The following APLP2 variants were observed in gnomAD, a reference collection of about 807,000 sequenced individuals.
APLP2 encodes the protein CDEI box-binding protein.
A neutral mutation model predicts 89.9 loss-of-function variants in APLP2; 53 were observed. The ratio of observed to expected loss-of-function variants is 0.59; its 90% CI spans 0.47 to 0.74. The LOEUF (loss-of-function observed/expected upper bound fraction) is 0.74, where lower values mean the gene tolerates loss of function less well. APLP2 is among the 30% of genes least tolerant of loss of function. APLP2 has a pLI of 0.00. For synonymous variants in APLP2, 372 were observed against 348.6 expected (o/e 1.07, Z -0.75); for missense variants, 973 against 975.9 (o/e 1.00, Z 0.04).
chr11:130,094,603 A>C (rs1196907616), intron 1 of APLP2, among the ~76,000 whole-genome samples: 2 of 152,252 alleles, frequency 1.3e-5, no homozygotes, highest in Non-Finnish European at 2.9e-5. Context: ...TCTGAGGGAA[A>C]TTATTTCCAG....
Position 130,098,052 on chromosome 11 carries a change from G to A in APLP2, c.106-11377G>A, listed in dbSNP as rs187315596. Among the ~76,000 whole-genome samples the A allele has an allele frequency of 1.1e-4, 17 of 152,302 alleles. No individual in the cohort carries two copies. In the East Asian group the frequency reaches 2.3e-3, roughly 21 times the overall value. ...TTTTGTAGACCCTGTTAGTCCCCTA[G>A]TGGATGCTGGGGACCCCTCCCTGCT... On this transcript the variant is annotated intron_variant, in intron 1 of 16. Coordinates refer to ENST00000338167, the MANE Select transcript of APLP2 (RefSeq NM_001142276.2).
intron 1 of APLP2, among the ~76,000 whole-genome samples, chr11:130,080,697 C>CTTT (rs375026553): frequency 7.7e-6 from 1 of 130,242 alleles, no homozygotes; most frequent in Non-Finnish European, 1.6e-5. Flanking sequence ...ATTTATCTTT[C>CTTT]TTTTTTTTTT....
chr11:130,117,936 G>C (rs1565584438), intron 3 of APLP2, among the ~76,000 whole-genome samples: 1 of 152,090 alleles, frequency 6.6e-6, no homozygotes, highest in Non-Finnish European at 1.5e-5. Context: ...AATTAGACGG[G>C]CGTGGTGGCA....
chr11:130,091,578 G>T (rs1218631774), intron 1 of APLP2, among the ~76,000 whole-genome samples: 76 of 142,138 alleles, frequency 5.3e-4, no homozygotes, highest in African/African-American at 2.0e-3. Context: ...CGGGGCGGCT[G>T]GCCGGGTGGG....
intron 1 of APLP2, among the ~76,000 whole-genome samples, chr11:130,096,816 G>A (rs1042205374): frequency 6.6e-6 from 1 of 152,080 alleles, no homozygotes; most frequent in African/African-American, 2.4e-5. Flanking sequence ...CTTTTTACTC[G>A]AGGGTAGCTT....
At chr11:130,105,240 C>G (rs1947502226) in intron 1 of APLP2, among the ~76,000 whole-genome samples, 2 of 152,170 alleles carry the variant, frequency 1.3e-5, no homozygotes, top group Admixed American at 1.3e-4. Context: ...CAATGAGACC[C>G]CATCTCTACC....
At chr11:130,094,047 A>ATTTTTTTTTTTTTTTTTTTTTT (rs138605738) in intron 1 of APLP2, among the ~76,000 whole-genome samples, 1 of 76,384 alleles carries the variant, frequency 1.3e-5, no homozygotes, top group Non-Finnish European at 2.6e-5. Context: ...TCCCGGCCGT[A>ATTTTTTTTTTTTTTTTTTTTTT]TTTTTTTTTT....
Position 130,079,529 on chromosome 11 carries a change from T to C in APLP2, c.105+9447T>C, listed in dbSNP as rs1342142812. Among the ~76,000 whole-genome samples the C allele has an allele frequency of 2.0e-5, 3 of 152,244 alleles. No homozygotes were observed. In the East Asian group the frequency reaches 5.8e-4, roughly 29 times the overall value. On this transcript the variant is annotated intron_variant, in intron 1 of 16. Transcript: ENST00000338167. Reference sequence around the variant, plus strand: ...TTGATCTTTTTTATGCTATTATAAATGGCATCTTTAAGATTTTTTGTTGTT... The same window carrying C: ...TTGATCTTTTTTATGCTATTATAAACGGCATCTTTAAGATTTTTTGTTGTT...
At chr11:130,121,292 C>T (rs967703037) in intron 4 of APLP2, among the ~76,000 whole-genome samples, 5 of 152,142 alleles carry the variant, frequency 3.3e-5, no homozygotes, top group Non-Finnish European at 7.3e-5. Flanking sequence ...AGTGCTTGCA[C>T]CAGTGGTGAG....
In APLP2 at chr11:130,142,071, G is replaced by A. The variant is rs1234950062; in HGVS notation, c.2151G>A (p.Val717=). 1.2e-6 allele frequency: 2 copies of A among 1,611,678 alleles called. No individual in the cohort carries two copies. Among genetic ancestry groups the A allele is most frequent in the South Asian group, 1.1e-5 (1 of 90,692 alleles). ...ATGGCACCATCAGCCACGGGATCGT[G>A]GAGGTGAGGAGCTGGGCTGCTGAGG... ...RQYGTISHGI[V]EVDPMLTPEE... Residue 717 remains valine, a synonymous_variant, in exon 16 of 17, where the codon GTG becomes GTA. Transcript: ENST00000338167.
chr11:130,142,347 C>T (rs184230439), intron 16 of APLP2, among the ~76,000 whole-genome samples: 1 of 152,152 alleles, frequency 6.6e-6, no homozygotes, highest in Admixed American at 6.5e-5. Context: ...ACTCTTTTCT[C>T]AGATTATTTC....
At chr11:130,091,521 G>T (rs1217156181) in intron 1 of APLP2, among the ~76,000 whole-genome samples, 3 of 141,028 alleles carry the variant, frequency 2.1e-5, no homozygotes, top group East Asian at 2.3e-4. Flanking sequence ...CTCCCGGACA[G>T]GGCGGCTGGC....
chr11:130,075,790 TC>T (rs1294947197), intron 1 of APLP2, among the ~76,000 whole-genome samples: 2 of 152,186 alleles, frequency 1.3e-5, no homozygotes, highest in Admixed American at 6.5e-5. Context: ...TACTGCTCTG[TC>T]CTGTCAGTGT....
chr11:130,124,779 T>C lies in APLP2; in HGVS notation c.1090+1000T>C, dbSNP rs188171033. Among the ~76,000 whole-genome samples the C allele has an allele frequency of 9.2e-5, 14 of 152,332 alleles. 1 individual carries two copies. The East Asian group carries it at 2.7e-3, about 29-fold the overall frequency. ...TTCCCTTCCAGCTCCAGGAAAGCTG[T>C]TTTTATTCGGTAACAGTTGAAAGGT... On this transcript the variant is annotated intron_variant, in intron 7 of 16. Transcript: ENST00000338167.
At chr11:130,074,335 C>T (rs946676843) in intron 1 of APLP2, among the ~76,000 whole-genome samples, 1 of 152,182 alleles carries the variant, frequency 6.6e-6, no homozygotes, top group African/African-American at 2.4e-5. Context: ...CCTGCCTCAG[C>T]CTCCAGAGTA....
In APLP2 at chr11:130,141,570, C is replaced by T. The variant is rs773309208; in HGVS notation, c.1996C>T (p.Arg666Trp). Residue 666 changes from arginine to tryptophan, a missense_variant and splice_region_variant, in exon 15 of 17, where the codon CGG becomes TGG. By Grantham distance (101) the Arg-to-Trp change is moderately radical. Coordinates refer to ENST00000338167, the MANE Select transcript of APLP2 (RefSeq NM_001142276.2). The surrounding 1 kb of genome is among the most constrained non-coding windows in gnomAD (Gnocchi z 4.2). ...AERVGGLEEERESVGPLREDF... is the reference protein window; with the variant it reads ...AERVGGLEEEWESVGPLREDF... ...GAGAGTTGGAGGCCTCGAGGAAGAG[C>T]GGGTACGTGTTTAGCTCCAGAACCT... is the stretch of plus-strand genomic sequence containing the variant. 1.1e-5 allele frequency: 18 copies of T among 1,613,510 alleles called. No individual in the cohort carries two copies. The highest frequency in any genetic ancestry group is 2.2e-5 in the South Asian group (2 of 91,070).
intron 4 of APLP2, 51 bp downstream of exon 4, chr11:130,120,869 A>G: frequency 7.7e-7 from 1 of 1,301,002 alleles, no homozygotes. Context: ...GTTAGGAGGG[A>G]AGTAGCACTT....
intron 1 of APLP2, among the ~76,000 whole-genome samples, chr11:130,084,325 C>T (rs1209279038): frequency 1.3e-5 from 2 of 152,014 alleles, no homozygotes; most frequent in African/African-American, 4.8e-5. Context: ...TGTGATATGC[C>T]ACATTTTTTG....
rs1028623921 is a variant in APLP2 at position 130,144,735 on chromosome 11, T to C, written c.*1287T>C. 1 of 152,550 alleles carries C rather than the reference T, an allele frequency of 6.6e-6. No individual in the cohort carries two copies. The highest frequency in any genetic ancestry group is 1.5e-5 in the Non-Finnish European group (1 of 68,022). The allele number at this position is 152,550 out of a possible 1,614,324, so 9.4% of individuals were successfully genotyped here. A position where few individuals can be genotyped will look rare whatever the true frequency, so the allele number is the denominator to read the frequency against. On this transcript the variant is annotated 3_prime_UTR_variant, in exon 17 of 17. Transcript: ENST00000338167. The stretch of plus-strand genomic sequence containing the variant: ...CACTATGCACAGATTAAACTTCACC[T>C]ACAAACTCCTTAATATGATCTGTGG...
Sources: gnomAD v4.1 joint callset for allele counts (sites outside exome capture counted in the v4.1 genomes callset) on GRCh38, gnomAD v4.1.1 for gene constraint, Gnocchi (gnomAD v3.1) non-coding constraint, MANE v1.5 for transcripts, NCBI Gene and HGNC (gene_info 2026-07-23, HGNC 2026-07-21) for gene names.